Variants in ZNF763 observed in about 807,000 individuals in gnomAD.
The protein encoded by ZNF763 is zinc finger protein 763, also known as DNA-binding protein.
Under a neutral mutation model 38.0 loss-of-function variants are expected in ZNF763, and 33 were observed. The ratio of observed to expected loss-of-function variants is 0.87; its 90% CI spans 0.66 to 1.16. ZNF763 has a LOEUF of 1.16. Among genes scored for constraint, ZNF763 ranks in the 50% most tolerant of loss-of-function variants. The pLI, the probability that ZNF763 is intolerant of heterozygous loss-of-function variation, is 0.00. For synonymous variants in ZNF763, 155 were observed against 160.1 expected, an observed-to-expected ratio of 0.97 and a Z score of 0.24; for missense variants, 423 against 469.1, an observed-to-expected ratio of 0.90 and a Z score of 0.91.
intron 1 of ZNF763, among the ~76,000 whole-genome samples, chr19:11,972,654 A>G (rs1412328424): frequency 6.6e-6 from 1 of 152,218 alleles, no homozygotes; most frequent in Non-Finnish European, 1.5e-5. Flanking sequence ...TCAGTTATGA[A>G]CCTTACATGG....
intron 1 of ZNF763, among the ~76,000 whole-genome samples, chr19:11,968,002 G>A (rs940102812): frequency 1.3e-5 from 2 of 152,166 alleles, no homozygotes; most frequent in African/African-American, 4.8e-5. Context: ...TGGGACATCC[G>A]GATGTTCTGT....
At position 11,980,493 on chromosome 19, in the gene ZNF763, G is replaced by A. The variant is rs1973596950; in HGVS notation, c.*1384G>A. ...GACTAAAATATTTCATAAAATGTAT[G>A]GGTGCTGTTTACCAGAAAGTACGTT... On this transcript the variant is annotated 3_prime_UTR_variant, in exon 4 of 4. Coordinates refer to ENST00000358987, the MANE Select transcript of ZNF763 (RefSeq NM_001367172.2). 1 of 152,770 alleles carries A rather than the reference G, an allele frequency of 6.5e-6. No homozygotes were observed. Among genetic ancestry groups the A allele is most frequent in the Non-Finnish European group, 1.5e-5 (1 of 68,618 alleles). 9.5% of individuals were successfully genotyped at this position (152,770 alleles called of 1,614,324 possible).
At chr19:11,965,848 A>G (rs1973216458) in intron 1 of ZNF763, among the ~76,000 whole-genome samples, 1 of 152,180 alleles carries the variant, frequency 6.6e-6, no homozygotes, top group Non-Finnish European at 1.5e-5. Context: ...AGAGACAGGA[A>G]TTGCAGGGAA....
chr19:11,975,484 G>A (rs562904247), intron 1 of ZNF763, among the ~76,000 whole-genome samples: 18 of 150,566 alleles, frequency 1.2e-4, no homozygotes, highest in East Asian at 5.8e-4. Context: ...TGCAAGTTCC[G>A]CTTCCCGGGT....
intron 1 of ZNF763, 61 bp from the exon 2 acceptor site, chr19:11,976,977 G>T (rs1973505555): frequency 1.2e-6 from 2 of 1,609,060 alleles, no homozygotes; most frequent in East Asian, 4.5e-5. Context: ...TGGGAATAGA[G>T]TCTAGGCCCC....
At chr19:11,974,888 C>G (rs909990135) in intron 1 of ZNF763, among the ~76,000 whole-genome samples, 2 of 152,144 alleles carry the variant, frequency 1.3e-5, no homozygotes, top group African/African-American at 4.8e-5. Context: ...CAGGCATGAG[C>G]CACCACACCT....
chr19:11,975,273 G>A (rs1973461112), intron 1 of ZNF763, among the ~76,000 whole-genome samples: 1 of 151,808 alleles, frequency 6.6e-6, no homozygotes, highest in African/African-American at 2.4e-5. Context: ...GTTTCTCCAT[G>A]TTGGTCAGGC....
chr19:11,977,895 T>C (rs1310382477), intron 3 of ZNF763, among the ~76,000 whole-genome samples: 1 of 152,140 alleles, frequency 6.6e-6, no homozygotes, highest in Non-Finnish European at 1.5e-5. Flanking sequence ...ACTTGTAAAA[T>C]AGTTTACATG....
intron 1 of ZNF763, 105 bp downstream of exon 1, chr19:11,965,316 T>C (rs1423100847): frequency 9.9e-6 from 15 of 1,514,256 alleles, no homozygotes; most frequent in Non-Finnish European, 1.3e-5. Flanking sequence ...GACTCCAGGG[T>C]CTGGGACCGA....
At chr19:11,977,557 A>C in intron 3 of ZNF763, 126 bp downstream of exon 3, 1 of 1,237,168 alleles carries the variant, frequency 8.1e-7, no homozygotes, top group Non-Finnish European at 1.1e-6. Context: ...ATATTTTCTC[A>C]AAATCATATA....
intron 1 of ZNF763, among the ~76,000 whole-genome samples, chr19:11,970,719 G>A (rs1012220183): frequency 1.3e-5 from 2 of 152,080 alleles, no homozygotes; most frequent in Non-Finnish European, 2.9e-5. Flanking sequence ...ATCACCTAAG[G>A]TCAGGAGTTT....
At position 11,976,791 on chromosome 19, in the gene ZNF763, C is replaced by T. The variant is rs1329657760; in HGVS notation, c.4-247C>T. ...TGAGGCAGGAGAATCGCTTGAACCC[C>T]GGTCATGAGCCAAGATCGCATCATT... On this transcript the variant is annotated intron_variant, in intron 1 of 3. Coordinates refer to ENST00000358987, the MANE Select transcript of ZNF763 (RefSeq NM_001367172.2). 71 of 1,105,034 alleles carry T rather than the reference C, an allele frequency of 6.4e-5. 1 individual carries two copies. The highest frequency in any genetic ancestry group is 3.4e-4 in the Middle Eastern group (1 of 2,956). The allele number at this position is 1,105,034 out of a possible 1,614,324, so 68.5% of individuals were successfully genotyped here.
In ZNF763 at chr19:11,978,840, C is replaced by T. The variant is rs867061228; in HGVS notation, c.916C>T (p.His306Tyr). 6.2e-7 allele frequency: 1 copy of T among 1,614,170 alleles called. No individual in the cohort carries two copies. The highest frequency in any genetic ancestry group is 8.5e-7 in the Non-Finnish European group (1 of 1,180,026). Residue 306 changes from histidine to tyrosine, a missense_variant, in exon 4 of 4, where the codon CAC (histidine) becomes TAC (tyrosine). Physicochemically the swap from His to Tyr is moderately conservative, Grantham distance 83. Coordinates refer to ENST00000358987, the MANE Select transcript of ZNF763 (RefSeq NM_001367172.2). Reference sequence around the variant, plus strand: ...TTCCTTTCAAATACATGAAAGAACTCACACTGGGGAGAAGCCCTGTGAATG... The same window carrying T: ...TTCCTTTCAAATACATGAAAGAACTTACACTGGGGAGAAGCCCTGTGAATG... Reference protein sequence around the residue: ...CHSFQIHERTHTGEKPCECSK... With the variant: ...CHSFQIHERTYTGEKPCECSK...
chr19:11,978,553 A>G lies in ZNF763; in HGVS notation c.629A>G (p.His210Arg), dbSNP rs774475373. 7.4e-6 allele frequency: 12 copies of G among 1,614,090 alleles called. No homozygotes were observed. The highest frequency in any genetic ancestry group is 1.0e-5 in the Non-Finnish European group (12 of 1,180,032). Residue 210 changes from histidine to arginine, a missense_variant, in exon 4 of 4, where the codon CAT becomes CGT. Transcript: ENST00000358987. ...YKCKFCGKAVHCLRLYLIHER... is the reference protein window; with the variant it reads ...YKCKFCGKAVRCLRLYLIHER... ...TGTAAGTTTTGTGGGAAAGCTGTCC[A>G]TTGTCTCAGATTATATCTTATCCAT...
chr19:11,979,754 C>T lies in ZNF763; in HGVS notation c.*645C>T, dbSNP rs949224095. On this transcript the variant is annotated 3_prime_UTR_variant, in exon 4 of 4. Transcript: ENST00000358987. ...GAAAGCCTTCAGATCTGCCCCACAC[C>T]TTCGAATCCATGGTAGAACTCACAC... 6.0e-5 allele frequency: 95 copies of T among 1,572,614 alleles called. No individual in the cohort carries two copies. The highest frequency in any genetic ancestry group is 7.4e-5 in the Non-Finnish European group (85 of 1,149,712).
chr19:11,965,686 T>C (rs1973212763), intron 1 of ZNF763, among the ~76,000 whole-genome samples: 1 of 152,210 alleles, frequency 6.6e-6, no homozygotes, highest in Non-Finnish European at 1.5e-5. Context: ...AGTCCTGGCT[T>C]GTGGTTTGTC....
At chr19:11,971,451 C>T (rs367900740) in intron 1 of ZNF763, among the ~76,000 whole-genome samples, 13 of 152,084 alleles carry the variant, frequency 8.5e-5, no homozygotes, top group South Asian at 2.1e-4. Flanking sequence ...ATATTCATGC[C>T]GTAACACCCT....
chr19:11,977,587 G>A (rs993173215), intron 3 of ZNF763, among the ~76,000 whole-genome samples, 156 bp downstream of exon 3: 3 of 152,194 alleles, frequency 2.0e-5, no homozygotes, highest in South Asian at 2.1e-4. Context: ...GACTAAGTCT[G>A]AGGGCTCACT....
rs201137229 is a variant in ZNF763, at chr19:11,979,130, G to A, written c.*21G>A. 5.6e-5 allele frequency: 91 copies of A among 1,612,526 alleles called. No homozygotes were observed. Among genetic ancestry groups the A allele is most frequent in the Admixed American group, 2.2e-4 (13 of 59,600 alleles). Reference sequence around the variant, plus strand: ...TATAAATGTTAGATATGTGGGAAAGGCCTTTATTCTGCCAAGTCATTTCGA... The same window carrying A: ...TATAAATGTTAGATATGTGGGAAAGACCTTTATTCTGCCAAGTCATTTCGA... On this transcript the variant is annotated 3_prime_UTR_variant, in exon 4 of 4. Coordinates refer to ENST00000358987, the MANE Select transcript of ZNF763 (RefSeq NM_001367172.2).
Sources: gnomAD v4.1 joint callset for allele counts (sites outside exome capture counted in the v4.1 genomes callset) on GRCh38, gnomAD v4.1.1 for gene constraint, MANE v1.5 for transcripts, NCBI Gene and HGNC (gene_info 2026-07-23, HGNC 2026-07-21) for gene names.